Variants in SV2C observed in about 807,000 individuals in gnomAD.
SV2C encodes synaptic vesicle glycoprotein 2C, also known as solute carrier family 22 member B3.
Under a neutral mutation model 79.7 loss-of-function variants are expected in SV2C, and 49 were observed. That is an observed-to-expected ratio of 0.61 (90% CI 0.49 to 0.78). The LOEUF is 0.78. SV2C is among the 30% of genes least tolerant of loss of function. SV2C has a pLI of 0.00. For missense variants in SV2C, 833 were observed against 912.9 expected (o/e 0.91, Z 1.13); for synonymous variants, 334 against 333.2 (o/e 1.00, Z -0.03).
chr5:76,113,133 C>G (rs533682535), intron 1 of SV2C, among the ~76,000 whole-genome samples: 1 of 152,332 alleles, frequency 6.6e-6, no homozygotes, highest in South Asian at 2.1e-4. Flanking sequence ...GCATGGAATT[C>G]TTACTATGTC....
At chr5:76,208,371 T>G (rs1173001940) in intron 3 of SV2C, among the ~76,000 whole-genome samples, 1 of 152,194 alleles carries the variant, frequency 6.6e-6, no homozygotes, top group Non-Finnish European at 1.5e-5. Flanking sequence ...TTGCAACCCA[T>G]AGATTGAAAA....
At chr5:76,130,059 C>T (rs1440373047) in intron 1 of SV2C, among the ~76,000 whole-genome samples, 1 of 150,682 alleles carries the variant, frequency 6.6e-6, no homozygotes, top group Non-Finnish European at 1.5e-5. Flanking sequence ...CCTCAGCCTC[C>T]CTTCTCACCA....
chr5:76,129,522 G>A (rs1404435194), intron 1 of SV2C, among the ~76,000 whole-genome samples: 1 of 152,166 alleles, frequency 6.6e-6, no homozygotes, highest in East Asian at 1.9e-4. Flanking sequence ...CATTGCTCAA[G>A]TGCTTAGACT....
At chr5:76,292,259 C>T (rs1468695926) in intron 8 of SV2C, among the ~76,000 whole-genome samples, 2 of 152,110 alleles carry the variant, frequency 1.3e-5, no homozygotes, top group Non-Finnish European at 2.9e-5. Flanking sequence ...CAGTTCATTT[C>T]TTTACCCTCT....
chr5:76,164,417 G>A (rs1022983702), intron 2 of SV2C, among the ~76,000 whole-genome samples: 1 of 152,188 alleles, frequency 6.6e-6, no homozygotes, highest in African/African-American at 2.4e-5. Context: ...ACAATAGGAT[G>A]TCCTATGTAG....
At chr5:76,008,944 C>T in the SV2C span, among the ~76,000 whole-genome samples, 2 of 152,054 alleles carry the variant, frequency 1.3e-5, no homozygotes, top group Admixed American at 6.6e-5. Context: ...CAGGCCCTTC[C>T]GTGGATTCTT....
chr5:76,306,854 G>A (rs543232868), intron 12 of SV2C, among the ~76,000 whole-genome samples: 47 of 152,290 alleles, frequency 3.1e-4, no homozygotes, highest in African/African-American at 1.1e-3. Flanking sequence ...ATGACATTTA[G>A]CTTTCTCCTA....
the SV2C span, among the ~76,000 whole-genome samples, chr5:75,880,331 T>G: frequency 2.6e-5 from 4 of 152,188 alleles, no homozygotes; most frequent in African/African-American, 9.6e-5. Flanking sequence ...TTTCCAAACT[T>G]TCACACTCTG....
At chr5:76,348,983 A>C (rs183996990) in intron 12 of SV2C, among the ~76,000 whole-genome samples, 11 of 152,140 alleles carry the variant, frequency 7.2e-5, no homozygotes, top group Admixed American at 2.6e-4. Flanking sequence ...TGGGCAACAG[A>C]GTGAGACTCT....
chr5:76,267,945 C>A (rs996917288), intron 4 of SV2C, among the ~76,000 whole-genome samples: 2 of 152,154 alleles, frequency 1.3e-5, no homozygotes, highest in African/African-American at 4.8e-5. Context: ...TGTTTGGATC[C>A]CACACAAGCA....
chr5:76,037,991 A>T, the SV2C span, among the ~76,000 whole-genome samples: 1 of 152,156 alleles, frequency 6.6e-6, no homozygotes, highest in Admixed American at 6.5e-5. Flanking sequence ...TTAGGGTGGG[A>T]GTGACCCGAT....
At chr5:75,942,203 G>A in the SV2C span, among the ~76,000 whole-genome samples, 1 of 152,248 alleles carries the variant, frequency 6.6e-6, no homozygotes. Flanking sequence ...TCTAGATCTC[G>A]CCCTATGTAT....
At chr5:76,353,716 T>C (rs1749686449) in exon 13 of SV2C, 1 of 152,250 alleles carries the variant, frequency 6.6e-6, no homozygotes, top group Non-Finnish European at 1.5e-5. Context: ...AAATGCTCTC[T>C]ACAGGTGATT....
chr5:76,241,830 G>A (rs567471921), intron 4 of SV2C, among the ~76,000 whole-genome samples: 6 of 152,122 alleles, frequency 3.9e-5, no homozygotes, highest in African/African-American at 1.2e-4. Flanking sequence ...ATCCAGCTTT[G>A]GAGACATTCT....
the SV2C span, among the ~76,000 whole-genome samples, chr5:75,959,463 CTT>C: frequency 6.6e-6 from 1 of 152,018 alleles, no homozygotes; most frequent in Non-Finnish European, 1.5e-5. Context: ...TCTTGTCTCT[CTT>C]TAATCTTTGG....
chr5:76,270,864 G>A (rs1746829457), intron 4 of SV2C, among the ~76,000 whole-genome samples: 1 of 151,964 alleles, frequency 6.6e-6, no homozygotes, highest in Non-Finnish European at 1.5e-5. Flanking sequence ...TGCCTCCCGG[G>A]TTAAAACACT....
the SV2C span, among the ~76,000 whole-genome samples, chr5:75,886,876 C>G: frequency 6.6e-6 from 1 of 152,022 alleles, no homozygotes; most frequent in Non-Finnish European, 1.5e-5. Context: ...GGATGACTAA[C>G]CAGGCAAGTT....
At chr5:76,263,868 C>T (rs563917705) in intron 4 of SV2C, among the ~76,000 whole-genome samples, 4 of 152,062 alleles carry the variant, frequency 2.6e-5, no homozygotes, top group East Asian at 1.9e-4. Flanking sequence ...TTTTTTCCTT[C>T]GTTTGAACCT....
the SV2C span, among the ~76,000 whole-genome samples, chr5:75,850,805 A>G: frequency 7.7e-3 from 1,180 of 152,278 alleles, 15 homozygotes; most frequent in African/African-American, 0.027. Flanking sequence ...GGGATTTTAT[A>G]GAATGGTGCT....
Sources: allele counts gnomAD v4.1 joint callset (sites outside exome capture counted in the v4.1 genomes callset), GRCh38; gene constraint gnomAD v4.1.1; transcripts MANE v1.5; gene names NCBI Gene and HGNC (gene_info 2026-07-23, HGNC 2026-07-21).